LRRFIP1: variants seen among roughly 807,000 people sequenced by gnomAD.
The protein encoded by LRRFIP1 is leucine-rich repeat flightless-interacting protein 1.
A neutral mutation model predicts 104.4 loss-of-function variants in LRRFIP1; 62 were observed. The observed-to-expected ratio is 0.59, with a 90% CI of 0.48 to 0.73. LRRFIP1 has a LOEUF of 0.73. Ranked by LOEUF, LRRFIP1 falls within the 30% of genes least tolerant of loss-of-function variation. The pLI, the probability that LRRFIP1 is intolerant of heterozygous loss-of-function variation, is 0.00. For missense variants in LRRFIP1, 796 were observed against 824.5 expected (o/e 0.97, Z 0.42); for synonymous variants, 300 against 299.0 (o/e 1.00, Z -0.03).
rs572933321 is a variant in LRRFIP1 at position 237,641,461 on chromosome 2, C to T, written c.96+13721C>T. Among the ~76,000 whole-genome samples the T allele has an allele frequency of 2.9e-4, 43 of 147,246 alleles. 2 individuals carry two copies. The South Asian group carries it at 9.0e-3, about 31-fold the overall frequency. On this transcript the variant is annotated intron_variant, in intron 1 of 23. Transcript: ENST00000308482. The stretch of plus-strand genomic sequence containing the variant: ...GCAATGAGCTGAGATTGTGCCATTG[C>T]ACTCCAGCCTGGGCAACAGAGTAAG...
At chr2:237,730,535 G>A (rs924741316) in intron 8 of LRRFIP1, among the ~76,000 whole-genome samples, 6 of 152,138 alleles carry the variant, frequency 3.9e-5, no homozygotes, top group South Asian at 2.1e-4. Context: ...CACCGGCACC[G>A]GAGACCAGTA....
At chr2:237,748,501 A>G in intron 12 of LRRFIP1, 102 bp downstream of exon 12, 6 of 1,109,148 alleles carry the variant, frequency 5.4e-6, no homozygotes, top group Non-Finnish European at 7.9e-6. Context: ...TTCCCCAGCG[A>G]GGGAACTGGA....
intron 9 of LRRFIP1, among the ~76,000 whole-genome samples, chr2:237,734,032 GCT>G (rs2095137581): frequency 6.6e-6 from 1 of 152,216 alleles, no homozygotes; most frequent in Non-Finnish European, 1.5e-5. Flanking sequence ...CTGCCACACT[GCT>G]CTGTCTCCAG....
At chr2:237,743,736 G>A (rs56080914) in intron 11 of LRRFIP1, among the ~76,000 whole-genome samples, 4,879 of 152,304 alleles carry the variant, frequency 0.032, 93 homozygotes, top group Middle Eastern at 0.12. Flanking sequence ...GTGATCACAC[G>A]TTGTGAAGCC....
intron 16 of LRRFIP1, among the ~76,000 whole-genome samples, 184 bp downstream of exon 16, chr2:237,756,371 G>A (rs1223846325): frequency 6.6e-6 from 1 of 152,172 alleles, no homozygotes; most frequent in African/African-American, 2.4e-5. Context: ...GTTCAGGTGA[G>A]GCCTCTCTTC....
At position 237,773,587 on chromosome 2, in the gene LRRFIP1, A is replaced by T. The variant is rs187786353; in HGVS notation, c.1707+642A>T. 3.9e-5 allele frequency among the ~76,000 whole-genome samples: 6 copies of T among 152,304 alleles called. 1 individual carries two copies. Among genetic ancestry groups the T allele is most frequent in the African/African-American group, 1.4e-4 (6 of 41,562 alleles). ...ATAATGTAGCTAATTAAAAAAACAC[A>T]TCATACTGGGACGTCCCTCTTGCCT... On this transcript the variant is annotated intron_variant, in intron 22 of 23. Coordinates refer to ENST00000308482, the MANE Select transcript of LRRFIP1 (RefSeq NM_001137550.2).
At chr2:237,692,447 C>A in intron 1 of LRRFIP1, 1 of 1,517,338 alleles carries the variant, frequency 6.6e-7, no homozygotes, top group South Asian at 1.2e-5. Flanking sequence ...GCGGGCCGAG[C>A]CCGGCAGGAT....
intron 1 of LRRFIP1, among the ~76,000 whole-genome samples, chr2:237,637,597 G>A (rs2083295038): frequency 6.6e-6 from 1 of 152,218 alleles, no homozygotes; most frequent in African/African-American, 2.4e-5. Flanking sequence ...TAGGCAGAAT[G>A]TGATATGGCC....
chr2:237,779,059 T>TA (rs1347783155), intron 23 of LRRFIP1, among the ~76,000 whole-genome samples: 2 of 151,942 alleles, frequency 1.3e-5, no homozygotes, highest in Admixed American at 6.6e-5. Context: ...CCGTCTCTAC[T>TA]AAAATACAAA....
chr2:237,639,664 A>C (rs539205672), intron 1 of LRRFIP1, among the ~76,000 whole-genome samples: 1 of 152,188 alleles, frequency 6.6e-6, no homozygotes, highest in Non-Finnish European at 1.5e-5. Flanking sequence ...CCGGCTCCAG[A>C]GGAATTGCCA....
At chr2:237,713,064 T>C (rs540321105) in intron 2 of LRRFIP1, among the ~76,000 whole-genome samples, 35 of 151,882 alleles carry the variant, frequency 2.3e-4, no homozygotes, top group African/African-American at 8.2e-4. Flanking sequence ...CAGGGTTTTC[T>C]TGAGGGGGCC....
intron 1 of LRRFIP1, among the ~76,000 whole-genome samples, chr2:237,653,623 A>G (rs1157931702): frequency 3.9e-5 from 6 of 152,254 alleles, no homozygotes; most frequent in Non-Finnish European, 7.3e-5. Flanking sequence ...GCAAAGCTGT[A>G]ACCATCAAAA....
intron 1 of LRRFIP1, among the ~76,000 whole-genome samples, chr2:237,693,438 A>G (rs1263779607): frequency 4.0e-5 from 6 of 151,766 alleles, no homozygotes; most frequent in African/African-American, 1.5e-4. Flanking sequence ...AGTCTGATGA[A>G]CTCATACTGA....
At chr2:237,627,983 G>A (rs1378443651) in intron 1 of LRRFIP1, among the ~76,000 whole-genome samples, 1 of 151,028 alleles carries the variant, frequency 6.6e-6, no homozygotes, top group South Asian at 2.1e-4. Flanking sequence ...AGCCCGCGAC[G>A]CTGCGCGCCC....
chr2:237,776,293 A>G (rs905917308), intron 23 of LRRFIP1, among the ~76,000 whole-genome samples: 2 of 152,208 alleles, frequency 1.3e-5, no homozygotes, highest in Non-Finnish European at 2.9e-5. Flanking sequence ...TGCTATGGTC[A>G]GAGAACATGG....
intron 1 of LRRFIP1, among the ~76,000 whole-genome samples, chr2:237,656,116 G>A (rs1489961491): frequency 1.3e-5 from 2 of 152,164 alleles, no homozygotes; most frequent in South Asian, 2.1e-4. Context: ...CATATGTAAC[G>A]TAAATATATA....
At chr2:237,725,679 C>A (rs1182173586) in intron 7 of LRRFIP1, among the ~76,000 whole-genome samples, 1 of 152,224 alleles carries the variant, frequency 6.6e-6, no homozygotes, top group Non-Finnish European at 1.5e-5. Context: ...TTACCACAGA[C>A]CTGGTCATGG....
At position 237,627,622 on chromosome 2, in the gene LRRFIP1, G is replaced by A. The variant is rs951991027; in HGVS notation, c.-23G>A. ...GAGCGGCTGGAGCAACGGGCCCCGC[G>A]GCAGCTGCGGGCGACGCGGTCGATG... On this transcript the variant is annotated 5_prime_UTR_variant, in exon 1 of 24. Coordinates refer to ENST00000308482, the MANE Select transcript of LRRFIP1 (RefSeq NM_001137550.2). 3.1e-6 allele frequency: 4 copies of A among 1,276,256 alleles called. No homozygotes were observed. The African/African-American group carries it at 6.3e-5, about 20-fold the overall frequency. 79.1% of individuals were successfully genotyped at this position (1,276,256 alleles called of 1,614,324 possible). A position where few individuals can be genotyped will look rare whatever the true frequency, so the allele number is the denominator to read the frequency against.
At chr2:237,686,093 G>GTTCC (rs899748601) in intron 1 of LRRFIP1, among the ~76,000 whole-genome samples, 2 of 152,058 alleles carry the variant, frequency 1.3e-5, no homozygotes, top group Non-Finnish European at 2.9e-5. Context: ...GTGTCTCAAG[G>GTTCC]TTCCTTCCTT....
Sources: gnomAD v4.1 joint callset for allele counts (sites outside exome capture counted in the v4.1 genomes callset) on GRCh38, gnomAD v4.1.1 for gene constraint, MANE v1.5 for transcripts, NCBI Gene and HGNC (gene_info 2026-07-23, HGNC 2026-07-21) for gene names.